ADAMTSL1: variants seen among roughly 807,000 people sequenced by gnomAD.
ADAMTSL1 encodes the protein ADAMTS like 1.
A neutral mutation model predicts 201.8 loss-of-function variants in ADAMTSL1; 126 were observed. That is an observed-to-expected ratio of 0.62 (90% CI 0.54 to 0.72). ADAMTSL1 has a LOEUF of 0.72. Ranked by LOEUF, ADAMTSL1 falls within the 30% of genes least tolerant of loss-of-function variation. The pLI, the probability that ADAMTSL1 is intolerant of heterozygous loss-of-function variation, is 0.00. For missense variants in ADAMTSL1, 2,679 were observed against 2,277.8 expected (o/e 1.18, Z -3.59); for synonymous variants, 1,121 against 903.4 (o/e 1.24, Z -4.32).
chr9:18,210,767 T>A (rs1829839478), intron 2 of ADAMTSL1, among the ~76,000 whole-genome samples: 1 of 151,686 alleles, frequency 6.6e-6, no homozygotes, highest in Non-Finnish European at 1.5e-5. Context: ...AGTAATTTTT[T>A]TTTTTGCCTA....
intron 2 of ADAMTSL1, among the ~76,000 whole-genome samples, chr9:18,317,393 A>AACACAC (rs57642851): frequency 0.025 from 3,680 of 149,118 alleles, 139 homozygotes; most frequent in African/African-American, 0.084. Context: ...AAGTGTCCTC[A>AACACAC]ACACACACAC....
At chr9:18,646,206 A>C (rs991432795) in intron 7 of ADAMTSL1, among the ~76,000 whole-genome samples, 1 of 151,924 alleles carries the variant, frequency 6.6e-6, no homozygotes, top group Non-Finnish European at 1.5e-5. Flanking sequence ...TTATTGGTGT[A>C]TAAGAATGCT....
In ADAMTSL1 at chr9:18,185,865, A is replaced by AT. The variant is rs397686919; in HGVS notation, c.207+21884_207+21885insT. ...ATCTATGTAATACAATTGGGAAAAA[A>AT]GTTTCACAATTATTGATGTGGCGTT... On this transcript the variant is annotated intron_variant, in intron 2 of 29. Coordinates refer to the ADAMTSL1 transcript ENST00000680146. Among the ~76,000 whole-genome samples, 6 of 151,484 alleles carry AT rather than the reference A, an allele frequency of 4.0e-5. No individual in the cohort carries two copies. In the South Asian group the frequency reaches 8.4e-4, roughly 21 times the overall value.
chr9:18,390,314 T>C (rs1837991135), intron 2 of ADAMTSL1, among the ~76,000 whole-genome samples: 1 of 152,068 alleles, frequency 6.6e-6, no homozygotes, highest in South Asian at 2.1e-4. Context: ...CACTGACACG[T>C]AGGGCATGCT....
intron 15 of ADAMTSL1, among the ~76,000 whole-genome samples, chr9:18,748,839 A>G (rs1331503525): frequency 6.6e-6 from 1 of 152,132 alleles, no homozygotes; most frequent in African/African-American, 2.4e-5. Context: ...ACAGAAATTT[A>G]TTGTCTCACA....
At chr9:17,979,699 T>A (rs1266118559) in intron 1 of ADAMTSL1, among the ~76,000 whole-genome samples, 1 of 152,182 alleles carries the variant, frequency 6.6e-6, no homozygotes, top group African/African-American at 2.4e-5. Flanking sequence ...AATTCTTGAT[T>A]CTGCTTTTCT....
At chr9:18,000,028 A>C (rs1480564947) in intron 1 of ADAMTSL1, among the ~76,000 whole-genome samples, 1 of 145,964 alleles carries the variant, frequency 6.9e-6, no homozygotes, top group Non-Finnish European at 1.5e-5. Flanking sequence ...GGTTGGTTCC[A>C]AGTCTTTGCT....
chr9:18,524,245 T>C (rs1351587059), intron 2 of ADAMTSL1, among the ~76,000 whole-genome samples: 1 of 152,230 alleles, frequency 6.6e-6, no homozygotes, highest in African/African-American at 2.4e-5. Flanking sequence ...TCTGTTTGTC[T>C]GTTATTGGTG....
chr9:18,694,173 C>T (rs1831407934), intron 13 of ADAMTSL1, among the ~76,000 whole-genome samples: 1 of 152,140 alleles, frequency 6.6e-6, no homozygotes, highest in African/African-American at 2.4e-5. Flanking sequence ...ATGATGTAAT[C>T]ACCTTCCCCA....
chr9:18,224,113 A>G (rs1046715789), intron 2 of ADAMTSL1, among the ~76,000 whole-genome samples: 1 of 152,130 alleles, frequency 6.6e-6, no homozygotes, highest in Non-Finnish European at 1.5e-5. Context: ...TCCTGCTTCA[A>G]CTGTTGAAAA....
At chr9:18,568,161 C>T (rs1238393281) in intron 3 of ADAMTSL1, among the ~76,000 whole-genome samples, 1 of 152,012 alleles carries the variant, frequency 6.6e-6, no homozygotes, top group Non-Finnish European at 1.5e-5. Context: ...GAATTTCAAG[C>T]GAGGAGGTCT....
At position 18,468,708 on chromosome 9, in the gene ADAMTSL1, C is replaced by T. The variant is rs115660854; in HGVS notation, c.208-36121C>T. On this transcript the variant is annotated intron_variant, in intron 2 of 29. Coordinates refer to the ADAMTSL1 transcript ENST00000680146. ...AACAGCTAAGATTTAAACTGTCTGG[C>T]TCCAAAAACTGAGTTCTTCCCATGG... 6.2e-3 allele frequency among the ~76,000 whole-genome samples: 945 copies of T among 152,310 alleles called. 10 individuals are homozygous for T. Among genetic ancestry groups the T allele is most frequent in the African/African-American group, 0.022 (900 of 41,568 alleles).
intron 1 of ADAMTSL1, among the ~76,000 whole-genome samples, chr9:18,030,899 T>C (rs1820923982): frequency 6.6e-6 from 1 of 152,196 alleles, no homozygotes; most frequent in South Asian, 2.1e-4. Context: ...ACTGAGTTAA[T>C]TTGAGTGACT....
chr9:18,217,053 T>G (rs757616045), intron 2 of ADAMTSL1, among the ~76,000 whole-genome samples: 29 of 152,134 alleles, frequency 1.9e-4, no homozygotes, highest in South Asian at 1.0e-3. Flanking sequence ...GACATGAGCT[T>G]TAAATAAGTG....
At chr9:18,743,586 C>G (rs1382313928) in intron 15 of ADAMTSL1, among the ~76,000 whole-genome samples, 5 of 152,222 alleles carry the variant, frequency 3.3e-5, no homozygotes, top group African/African-American at 1.2e-4. Flanking sequence ...GTTTGATAAT[C>G]TTGGCTCTCA....
At position 18,892,443 on chromosome 9, in the gene ADAMTSL1, G is replaced by C. The variant is rs1489021781; in HGVS notation, c.4698G>C (p.Gln1566His). ...ACTRSCGGGVQTRRVTCQKLK... is the reference protein window; with the variant it reads ...ACTRSCGGGVHTRRVTCQKLK... The stretch of plus-strand genomic sequence containing the variant: ...CCCGGAGCTGTGGGGGAGGTGTCCA[G>C]ACCCGCAGGGTGACCTGTCAAAAGC... The change falls in exon 26 of 29, where the codon CAG becomes CAC. Residue 1566 changes from glutamine (Q) to histidine (H), a missense_variant. By Grantham distance (24) the Gln-to-His change is conservative. Coordinates refer to ENST00000380548, the MANE Select transcript of ADAMTSL1 (RefSeq NM_001040272.6). 2 of 1,613,602 alleles carry C rather than the reference G, an allele frequency of 1.2e-6. No individual in the cohort carries two copies. Among genetic ancestry groups the C allele is most frequent in the East Asian group, 4.5e-5 (2 of 44,866 alleles).
chr9:18,614,367 C>T (rs1249341363), intron 4 of ADAMTSL1, among the ~76,000 whole-genome samples: 2 of 152,142 alleles, frequency 1.3e-5, no homozygotes, highest in African/African-American at 2.4e-5. Flanking sequence ...CAGTGCTATT[C>T]AGCCTAGACT....
At chr9:18,733,510 C>T (rs551535271) in intron 15 of ADAMTSL1, among the ~76,000 whole-genome samples, 1 of 152,248 alleles carries the variant, frequency 6.6e-6, no homozygotes, top group East Asian at 1.9e-4. Context: ...AATACTAAGA[C>T]ATGCAGAGAG....
intron 20 of ADAMTSL1, among the ~76,000 whole-genome samples, chr9:18,811,032 A>C (rs1823472829): frequency 7.7e-6 from 1 of 130,266 alleles, no homozygotes; most frequent in Non-Finnish European, 1.5e-5. Flanking sequence ...AAAAAAAAAA[A>C]AAACAAACAC....
Sources: allele counts gnomAD v4.1 joint callset (sites outside exome capture counted in the v4.1 genomes callset), GRCh38; gene constraint gnomAD v4.1.1; transcripts MANE v1.5; gene names NCBI Gene and HGNC (gene_info 2026-07-23, HGNC 2026-07-21).